ARL6IP6: variants seen among roughly 807,000 people sequenced by gnomAD.
The protein encoded by ARL6IP6 is ARF like GTPase 6 interacting protein 6, also known as ADP-ribosylation factor-like protein 6-interacting protein 6.
ARL6IP6 carries 22 observed loss-of-function variants against 21.5 expected under a neutral mutation model. The observed-to-expected ratio is 1.02, with a 90% CI of 0.73 to 1.46. The LOEUF (loss-of-function observed/expected upper bound fraction) is 1.46, where lower values mean the gene tolerates loss of function less well. ARL6IP6 is among the 40% of genes most tolerant of loss of function. The pLI, the probability that ARL6IP6 is intolerant of heterozygous loss-of-function variation, is 0.00. For missense variants in ARL6IP6, 388 were observed against 299.8 expected (o/e 1.29, Z -2.17); for synonymous variants, 164 against 125.3 (o/e 1.31, Z -2.06).
chr2:152,743,993 A>G (rs1418291011), intron 3 of ARL6IP6, among the ~76,000 whole-genome samples: 1 of 152,138 alleles, frequency 6.6e-6, no homozygotes, highest in African/African-American at 2.4e-5. Flanking sequence ...CTTCTATGCT[A>G]AGAGATTTCT....
chr2:152,726,765 A>G (rs1017471774), intron 2 of ARL6IP6, among the ~76,000 whole-genome samples: 1 of 152,214 alleles, frequency 6.6e-6, no homozygotes, highest in Admixed American at 6.5e-5. Context: ...GTGGTCCCAT[A>G]AGATTACAGT....
chr2:152,720,156 C>T, intron 1 of ARL6IP6: 2 of 326,854 alleles, frequency 6.1e-6, no homozygotes, highest in Non-Finnish European at 1.2e-5. Flanking sequence ...TGCTCGGAGA[C>T]ATTGCCTTTG....
At chr2:152,754,487 G>A (rs1486006340) in intron 3 of ARL6IP6, among the ~76,000 whole-genome samples, 2 of 152,126 alleles carry the variant, frequency 1.3e-5, no homozygotes. Flanking sequence ...CATTTGGGTA[G>A]TTCTACTTTT....
chr2:152,749,584 G>T (rs1701225048), intron 3 of ARL6IP6, among the ~76,000 whole-genome samples: 1 of 152,214 alleles, frequency 6.6e-6, no homozygotes, highest in East Asian at 1.9e-4. Context: ...CAGACACCTG[G>T]TATTCACAAC....
At chr2:152,750,488 A>AAGAG (rs200604492) in intron 3 of ARL6IP6, among the ~76,000 whole-genome samples, 3 of 150,006 alleles carry the variant, frequency 2.0e-5, no homozygotes, top group African/African-American at 7.4e-5. Context: ...AAAAAAAAAA[A>AAGAG]AGAGAGAGAG....
intron 3 of ARL6IP6, among the ~76,000 whole-genome samples, chr2:152,746,255 G>A (rs2105162174): frequency 6.6e-6 from 1 of 152,114 alleles, no homozygotes; most frequent in Middle Eastern, 3.4e-3. Flanking sequence ...TCGAACTCCT[G>A]GGTTCAAGTG....
chr2:152,720,024 A>G (rs1007608941), intron 1 of ARL6IP6: 5 of 450,556 alleles, frequency 1.1e-5, no homozygotes, highest in Admixed American at 2.6e-5. Context: ...ATGTGCATAA[A>G]ATGCAAGCTG....
At chr2:152,747,513 C>G (rs1317596475) in intron 3 of ARL6IP6, among the ~76,000 whole-genome samples, 1 of 152,074 alleles carries the variant, frequency 6.6e-6, no homozygotes, top group Non-Finnish European at 1.5e-5. Flanking sequence ...TCTACTACGT[C>G]ACAAGATTCT....
chr2:152,727,935 A>G (rs1401731498), intron 2 of ARL6IP6, among the ~76,000 whole-genome samples: 1 of 152,228 alleles, frequency 6.6e-6, no homozygotes, highest in Non-Finnish European at 1.5e-5. Context: ...TAGTTACGTA[A>G]GTAATTTAAT....
intron 3 of ARL6IP6, among the ~76,000 whole-genome samples, chr2:152,759,082 A>G (rs1485405826): frequency 6.6e-6 from 1 of 152,132 alleles, no homozygotes; most frequent in Non-Finnish European, 1.5e-5. Context: ...TAGTGGGAAA[A>G]ACTGTTGTAA....
In ARL6IP6 at chr2:152,719,037, A is replaced by G. The variant is rs775185358; in HGVS notation, c.400+13A>G. ...TTGATCGTTAAAGGTATTGAAGCCGACGCCTTGAAAGTCTGTCCAGAGTAA... is the reference window on the plus strand; with the variant it reads ...TTGATCGTTAAAGGTATTGAAGCCGGCGCCTTGAAAGTCTGTCCAGAGTAA... On this transcript the variant is annotated intron_variant, in intron 1 of 3. Coordinates refer to ENST00000326446, the MANE Select transcript of ARL6IP6 (RefSeq NM_152522.7). 1.1e-5 allele frequency: 16 copies of G among 1,523,080 alleles called. No individual in the cohort carries two copies. In the South Asian group the frequency reaches 1.8e-4, roughly 17 times the overall value. The allele number at this position is 1,523,080 out of a possible 1,614,324, so 94.3% of individuals were successfully genotyped here. A position where few individuals can be genotyped will look rare whatever the true frequency, so the allele number is the denominator to read the frequency against.
intron 1 of ARL6IP6, 32 bp downstream of exon 1, chr2:152,719,056 A>T: frequency 6.7e-7 from 1 of 1,484,132 alleles, no homozygotes; most frequent in Non-Finnish European, 8.9e-7. Flanking sequence ...AAGTCTGTCC[A>T]GAGTAAAGTT....
At chr2:152,741,211 T>C (rs1213499443) in intron 3 of ARL6IP6, among the ~76,000 whole-genome samples, 1 of 152,082 alleles carries the variant, frequency 6.6e-6, no homozygotes, top group East Asian at 1.9e-4. Flanking sequence ...AAAAGAAAAA[T>C]GGAAATAATC....
At chr2:152,740,566 A>G (rs567729030) in intron 3 of ARL6IP6, among the ~76,000 whole-genome samples, 120 of 152,092 alleles carry the variant, frequency 7.9e-4, no homozygotes, top group Non-Finnish European at 8.8e-5. Flanking sequence ...CTATACATAC[A>G]AAATTTAGAT....
chr2:152,721,880 C>T (rs148091573), intron 2 of ARL6IP6, among the ~76,000 whole-genome samples: 18 of 152,338 alleles, frequency 1.2e-4, no homozygotes, highest in African/African-American at 3.8e-4. Context: ...TTCTTGTCAA[C>T]ATCTTGCATG....
chr2:152,753,209 C>T (rs2105182620), intron 3 of ARL6IP6, among the ~76,000 whole-genome samples: 1 of 152,216 alleles, frequency 6.6e-6, no homozygotes, highest in African/African-American at 2.4e-5. Context: ...TATGACAGCT[C>T]TTTTGAAAAT....
At chr2:152,735,317 C>T (rs934821449) in intron 3 of ARL6IP6, among the ~76,000 whole-genome samples, 191 bp downstream of exon 3, 4 of 152,098 alleles carry the variant, frequency 2.6e-5, no homozygotes, top group African/African-American at 9.7e-5. Context: ...AATTCTATAT[C>T]TAGATAATGC....
At chr2:152,732,574 T>A (rs1457140727) in intron 2 of ARL6IP6, 7 of 456,612 alleles carry the variant, frequency 1.5e-5, no homozygotes, top group South Asian at 1.2e-4. Flanking sequence ...TGCTGTAAGT[T>A]GCAAAGGTAT....
At position 152,721,294 on chromosome 2, in the gene ARL6IP6, A is replaced by G. The variant is rs1463788975; in HGVS notation, c.454+708A>G. ...TTCCTCACTATCCTAGCAAAGGTAA[A>G]TAATGTCTTATGTAGGCTTCAGGAG... On this transcript the variant is annotated intron_variant, in intron 2 of 3. Coordinates refer to ENST00000326446, the MANE Select transcript of ARL6IP6 (RefSeq NM_152522.7). 2.6e-5 allele frequency among the ~76,000 whole-genome samples: 4 copies of G among 152,184 alleles called. No individual in the cohort carries two copies. The East Asian group carries it at 5.8e-4, about 22-fold the overall frequency.
Sources: allele counts gnomAD v4.1 joint callset (sites outside exome capture counted in the v4.1 genomes callset), GRCh38; gene constraint gnomAD v4.1.1; transcripts MANE v1.5; gene names NCBI Gene and HGNC (gene_info 2026-07-23, HGNC 2026-07-21).